The following POU2AF1 variants were observed in gnomAD, a reference collection of about 807,000 sequenced individuals.
POU2AF1 encodes the protein POU class 2 homeobox associating factor 1, also known as POU domain class 2-associating factor 1.
In POU2AF1, 12 loss-of-function variants were observed where a neutral mutation model predicts 26.3. That is an observed-to-expected ratio of 0.46 (90% CI 0.29 to 0.74). The LOEUF (loss-of-function observed/expected upper bound fraction) is 0.74. Among genes scored for constraint, POU2AF1 ranks in the 30% least tolerant of loss-of-function variants. The pLI, the probability that POU2AF1 is intolerant of heterozygous loss-of-function variation, is 0.09. For missense variants in POU2AF1, 297 were observed against 334.5 expected (o/e 0.89, Z 0.87); for synonymous variants, 175 against 148.0 (o/e 1.18, Z -1.32).
chr11:111,362,248 A>C (rs1416043009), intron 1 of POU2AF1, among the ~76,000 whole-genome samples: 2 of 152,230 alleles, frequency 1.3e-5, no homozygotes, highest in African/African-American at 4.8e-5. Context: ...TGCAATGCAC[A>C]CTCATCACAT....
chr11:111,360,492 G>A (rs1591194913), intron 1 of POU2AF1, among the ~76,000 whole-genome samples: 1 of 152,212 alleles, frequency 6.6e-6, no homozygotes, highest in East Asian at 1.9e-4. Flanking sequence ...GCAACAGGAA[G>A]TGGGAAATGA....
chr11:111,353,112 GCTTAATGGGGT>G lies in POU2AF1; in HGVS notation c.*1138_*1148del, dbSNP rs1249737317. On this transcript the variant is annotated 3_prime_UTR_variant, in exon 5 of 5. Transcript: ENST00000393067. ...CTAGGCGAGGACCCATCACCTTTAG[GCTTAATGGGGT>G]CTTGGCCTCCACAGCACCAGCAGAG... The G allele has an allele frequency of 1.3e-5, 3 of 230,524 alleles. No individual in the cohort carries two copies. The highest frequency in any genetic ancestry group is 2.6e-5 in the Non-Finnish European group (3 of 116,362). 14.3% of individuals were successfully genotyped at this position (230,524 alleles called of 1,614,324 possible). A position where few individuals can be genotyped will look rare whatever the true frequency, so the allele number is the denominator to read the frequency against.
chr11:111,357,660 C>T lies in POU2AF1; in HGVS notation c.241G>A (p.Ala81Thr), dbSNP rs2135110308. 2 of 1,613,296 alleles carry T rather than the reference C, an allele frequency of 1.2e-6. No homozygotes were observed. Among genetic ancestry groups the T allele is most frequent in the East Asian group, 2.2e-5 (1 of 44,848 alleles). Residue 81 changes from alanine to threonine, a missense_variant, in exon 4 of 5, where the codon GCT becomes ACT. Coordinates refer to ENST00000393067, the MANE Select transcript of POU2AF1 (RefSeq NM_006235.3). ...GAGAGCCAGCCGGCACACAGGGCAG[C>T]CTCCTCTGTCACTGCAGACACAGAA... ...EGSVSAVTEE[A>T]ALCAGWLSQP...
intron 1 of POU2AF1, among the ~76,000 whole-genome samples, chr11:111,366,081 A>G (rs1861100011): frequency 6.6e-6 from 1 of 152,148 alleles, no homozygotes; most frequent in African/African-American, 2.4e-5. Flanking sequence ...TTTTCCAAAC[A>G]GGAAGAAAGA....
In POU2AF1 at chr11:111,359,272, C is replaced by T. The variant is rs867371338; in HGVS notation, c.17-354G>A. On this transcript the variant is annotated intron_variant, in intron 1 of 4. Transcript: ENST00000393067. ...CTCTACGTGTTCCTGCGTGTCTCAC[C>T]TCCTCATCTGTGGTTGAGGTTTTCC... 2.9e-4 allele frequency: 82 copies of T among 284,292 alleles called. No homozygotes were observed. In the Middle Eastern group the frequency reaches 5.3e-3, roughly 18 times the overall value. 17.6% of individuals were successfully genotyped at this position (284,292 alleles called of 1,614,324 possible).
At chr11:111,373,765 C>T (rs1861256728) in intron 1 of POU2AF1, among the ~76,000 whole-genome samples, 1 of 152,162 alleles carries the variant, frequency 6.6e-6, no homozygotes, top group Admixed American at 6.5e-5. Flanking sequence ...GTGCTTGTCC[C>T]CAGTATCACA....
chr11:111,357,077 G>A (rs1405965074), intron 4 of POU2AF1, among the ~76,000 whole-genome samples: 1 of 152,224 alleles, frequency 6.6e-6, no homozygotes, highest in African/African-American at 2.4e-5. Flanking sequence ...GAATAGAAAT[G>A]AAAGGCTAGT....
intron 1 of POU2AF1, chr11:111,363,343 C>T (rs1028647129): frequency 2.0e-6 from 2 of 1,024,010 alleles, no homozygotes; most frequent in Non-Finnish European, 2.3e-6. Context: ...CATGAAATAT[C>T]AGAATCTGAA....
At chr11:111,365,330 C>T (rs1861084534) in intron 1 of POU2AF1, among the ~76,000 whole-genome samples, 1 of 152,116 alleles carries the variant, frequency 6.6e-6, no homozygotes, top group African/African-American at 2.4e-5. Flanking sequence ...TAGTATCAAG[C>T]CTGAGAAAGA....
chr11:111,359,642 A>G (rs1860966874), intron 1 of POU2AF1, among the ~76,000 whole-genome samples: 1 of 152,252 alleles, frequency 6.6e-6, no homozygotes, highest in South Asian at 2.1e-4. Context: ...GTAGAACAGT[A>G]TATGCCTCAA....
Position 111,353,170 on chromosome 11 carries a change from T to C in POU2AF1, c.*1091A>G, listed in dbSNP as rs1367107109. ...AGAGGGCCTAGAGGTGAGACAGAAA[T>C]GGCCGACCAAACACACCCTTCACCC... On this transcript the variant is annotated 3_prime_UTR_variant, in exon 5 of 5. Coordinates refer to ENST00000393067, the MANE Select transcript of POU2AF1 (RefSeq NM_006235.3). 1 of 232,768 alleles carries C rather than the reference T, an allele frequency of 4.3e-6. No homozygotes were observed. The highest frequency in any genetic ancestry group is 2.2e-5 in the African/African-American group (1 of 45,270). 14.4% of individuals were successfully genotyped at this position (232,768 alleles called of 1,614,324 possible).
At chr11:111,377,882 C>A (rs1861339418) in intron 1 of POU2AF1, 1 of 180,322 alleles carries the variant, frequency 5.5e-6, no homozygotes, top group Non-Finnish European at 1.2e-5. Flanking sequence ...GCCAACAATT[C>A]TTGAATATTC....
At chr11:111,355,458 C>A (rs934121241) in intron 4 of POU2AF1, among the ~76,000 whole-genome samples, 1 of 152,190 alleles carries the variant, frequency 6.6e-6, no homozygotes, top group African/African-American at 2.4e-5. Flanking sequence ...ATGCTCTCTG[C>A]ATGGATTCAT....
chr11:111,371,895 T>C (rs1276995049), intron 1 of POU2AF1, among the ~76,000 whole-genome samples: 1 of 151,820 alleles, frequency 6.6e-6, no homozygotes, highest in Admixed American at 6.6e-5. Flanking sequence ...GGACTCAAAC[T>C]CAGATCTGCC....
chr11:111,371,987 C>G (rs1318957689), intron 1 of POU2AF1, among the ~76,000 whole-genome samples: 1 of 151,680 alleles, frequency 6.6e-6, no homozygotes, highest in Non-Finnish European at 1.5e-5. Flanking sequence ...AAACCCTACT[C>G]TCTACATCTT....
At chr11:111,359,716 T>C (rs1188105350) in intron 1 of POU2AF1, among the ~76,000 whole-genome samples, 1 of 152,238 alleles carries the variant, frequency 6.6e-6, no homozygotes, top group East Asian at 1.9e-4. Flanking sequence ...GTTATTCTTT[T>C]TGATGGAAGT....
intron 1 of POU2AF1, among the ~76,000 whole-genome samples, chr11:111,366,196 C>T (rs923022702): frequency 6.6e-6 from 1 of 152,138 alleles, no homozygotes; most frequent in Non-Finnish European, 1.5e-5. Flanking sequence ...TTAATGTAGG[C>T]CAACAAAGAA....
At chr11:111,372,059 C>CAG (rs1257581791) in intron 1 of POU2AF1, among the ~76,000 whole-genome samples, 1 of 143,816 alleles carries the variant, frequency 7.0e-6, no homozygotes, top group African/African-American at 2.7e-5. Context: ...CACACACACA[C>CAG]ACACACACAC....
chr11:111,370,052 C>T (rs1354618955), intron 1 of POU2AF1, among the ~76,000 whole-genome samples: 1 of 152,216 alleles, frequency 6.6e-6, no homozygotes, highest in East Asian at 1.9e-4. Context: ...CAGATCCCAG[C>T]ATTAGTTTTG....
Sources: gnomAD v4.1 joint callset for allele counts (sites outside exome capture counted in the v4.1 genomes callset) on GRCh38, gnomAD v4.1.1 for gene constraint, MANE v1.5 for transcripts, NCBI Gene and HGNC (gene_info 2026-07-23, HGNC 2026-07-21) for gene names.